Variants in LPP observed in about 807,000 individuals in gnomAD.
LPP encodes the protein lipoma-preferred partner.
In LPP, 38 loss-of-function variants were observed where a neutral mutation model predicts 60.4. The observed-to-expected ratio is 0.63, with a 90% confidence interval of 0.49 to 0.83. The LOEUF (loss-of-function observed/expected upper bound fraction) is 0.83, where lower values mean the gene tolerates loss of function less well. Ranked by LOEUF, LPP falls within the 40% of genes least tolerant of loss-of-function variation. LPP has a pLI of 0.00. For synonymous variants in LPP, 328 were observed against 290.8 expected (o/e 1.13, Z -1.30); for missense variants, 902 against 783.6 (o/e 1.15, Z -1.80).
intron 2 of LPP, among the ~76,000 whole-genome samples, chr3:188,315,241 A>T (rs1235488101): frequency 6.6e-6 from 1 of 152,076 alleles, no homozygotes; most frequent in Admixed American, 6.5e-5. Flanking sequence ...TTATGGTTAT[A>T]TTTCACATTA....
intron 9 of LPP, among the ~76,000 whole-genome samples, chr3:188,851,826 A>G (rs1762743252): frequency 6.6e-6 from 1 of 152,214 alleles, no homozygotes; most frequent in African/African-American, 2.4e-5. Flanking sequence ...TCTGAAAGGA[A>G]CAATCATTTA....
chr3:188,813,586 T>A (rs1751669304), intron 9 of LPP, among the ~76,000 whole-genome samples: 2 of 152,172 alleles, frequency 1.3e-5, no homozygotes. Flanking sequence ...CTAGCAAAGT[T>A]CTAGATTCTC....
chr3:188,398,467 G>A (rs1478978384), intron 3 of LPP, among the ~76,000 whole-genome samples: 7 of 152,198 alleles, frequency 4.6e-5, no homozygotes, highest in Non-Finnish European at 5.9e-5. Context: ...TTGTTCTCTC[G>A]TTACCTCTTC....
At chr3:188,351,404 G>A (rs940757480) in intron 3 of LPP, among the ~76,000 whole-genome samples, 1 of 152,160 alleles carries the variant, frequency 6.6e-6, no homozygotes, top group African/African-American at 2.4e-5. Flanking sequence ...ATCTCACCAA[G>A]CATTGGAGAG....
intron 5 of LPP, among the ~76,000 whole-genome samples, chr3:188,506,218 C>A (rs906290064): frequency 5.3e-5 from 8 of 152,120 alleles, no homozygotes; most frequent in African/African-American, 1.7e-4. Flanking sequence ...GGCTAAGAAA[C>A]CCTGCTCTGT....
intron 9 of LPP, among the ~76,000 whole-genome samples, chr3:188,822,180 T>C (rs1262307927): frequency 6.6e-6 from 1 of 152,098 alleles, no homozygotes; most frequent in Non-Finnish European, 1.5e-5. Flanking sequence ...CTTCCTCTTC[T>C]GATACAGGAA....
At chr3:188,558,030 C>T (rs1440033275) in intron 6 of LPP, among the ~76,000 whole-genome samples, 2 of 152,022 alleles carry the variant, frequency 1.3e-5, no homozygotes, top group East Asian at 3.9e-4. Flanking sequence ...CGTGTTTGTA[C>T]ACCTTCTTGT....
At chr3:188,318,459 A>G (rs972388478) in intron 2 of LPP, among the ~76,000 whole-genome samples, 3 of 151,812 alleles carry the variant, frequency 2.0e-5, no homozygotes, top group Non-Finnish European at 2.9e-5. Flanking sequence ...ATATGTGGAT[A>G]TTTTTGTGAT....
chr3:188,584,583 A>G (rs1192161357), intron 6 of LPP: 2 of 107,254 alleles, frequency 1.9e-5, no homozygotes, highest in Non-Finnish European at 3.9e-5. Context: ...GTGTGTGTGA[A>G]GTTGGCCATG....
chr3:188,751,671 A>G (rs1728111783), intron 8 of LPP, among the ~76,000 whole-genome samples: 1 of 152,190 alleles, frequency 6.6e-6, no homozygotes, highest in Admixed American at 6.5e-5. Flanking sequence ...TTCCAGCTTC[A>G]ATATTTAACT....
At chr3:188,510,769 A>G (rs1242423451) in intron 5 of LPP, among the ~76,000 whole-genome samples, 1 of 152,162 alleles carries the variant, frequency 6.6e-6, no homozygotes, top group Non-Finnish European at 1.5e-5. Flanking sequence ...AGTTCCTTCT[A>G]TATCTTTATG....
At chr3:188,310,825 T>A (rs781427297) in intron 2 of LPP, among the ~76,000 whole-genome samples, 9 of 152,248 alleles carry the variant, frequency 5.9e-5, no homozygotes, top group South Asian at 2.1e-4. Context: ...GCATTATTAT[T>A]ATTGCTATTA....
At chr3:188,304,418 A>G (rs1750869186) in intron 2 of LPP, among the ~76,000 whole-genome samples, 1 of 152,166 alleles carries the variant, frequency 6.6e-6, no homozygotes, top group African/African-American at 2.4e-5. Context: ...CCAGGAGTAT[A>G]ATGCGAATGT....
chr3:188,600,702 G>A (rs1184356037), intron 6 of LPP, among the ~76,000 whole-genome samples: 1 of 152,016 alleles, frequency 6.6e-6, no homozygotes, highest in African/African-American at 2.4e-5. Context: ...TAATGCACTA[G>A]CTACATTCTT....
intron 5 of LPP, among the ~76,000 whole-genome samples, chr3:188,509,878 T>G (rs903948043): frequency 1.4e-5 from 2 of 144,716 alleles, no homozygotes; most frequent in African/African-American, 5.0e-5. Context: ...TTGTTGTTTT[T>G]TTTTTTTTTT....
intron 4 of LPP, among the ~76,000 whole-genome samples, chr3:188,471,709 GA>G (rs1333798305): frequency 6.6e-6 from 1 of 152,176 alleles, no homozygotes; most frequent in Non-Finnish European, 1.5e-5. Flanking sequence ...TGAAATCAAT[GA>G]GTACCACAAT....
intron 8 of LPP, among the ~76,000 whole-genome samples, chr3:188,734,683 G>A (rs1156721137): frequency 2.4e-4 from 36 of 152,246 alleles, no homozygotes; most frequent in Non-Finnish European, 1.5e-5. Context: ...GGAATTTTGA[G>A]AACAGCAAAG....
intron 7 of LPP, among the ~76,000 whole-genome samples, chr3:188,627,632 C>A (rs1847096883): frequency 6.6e-6 from 1 of 151,926 alleles, no homozygotes; most frequent in African/African-American, 2.4e-5. Context: ...AAGGGAGCAC[C>A]CAGATTTATA....
At chr3:188,749,944 T>C (rs1031395652) in intron 8 of LPP, among the ~76,000 whole-genome samples, 1 of 152,234 alleles carries the variant, frequency 6.6e-6, no homozygotes, top group African/African-American at 2.4e-5. Flanking sequence ...TGTGCTGCTA[T>C]AGCAGAATAA....
Sources: gnomAD v4.1 joint callset for allele counts (sites outside exome capture counted in the v4.1 genomes callset) on GRCh38, gnomAD v4.1.1 for gene constraint, MANE v1.5 for transcripts, NCBI Gene and HGNC (gene_info 2026-07-23, HGNC 2026-07-21) for gene names.